Variants in NALF1 observed in about 807,000 individuals in gnomAD.
NALF1 encodes the protein NALCN channel auxiliary factor 1.
Under a neutral mutation model 48.4 loss-of-function variants are expected in NALF1, and 3 were observed. That is an observed-to-expected ratio of 0.06 (90% CI 0.03 to 0.16). The LOEUF is 0.16. Ranked by LOEUF, NALF1 falls within the 10% of genes least tolerant of loss-of-function variation. The probability of loss-of-function intolerance (pLI) is 1.00; values close to 1 mark genes in which losing one functional copy is unlikely to be tolerated. For synonymous variants in NALF1, 262 were observed against 245.7 expected (o/e 1.07, Z -0.62); for missense variants, 526 against 571.5 (o/e 0.92, Z 0.81).
intron 1 of NALF1, among the ~76,000 whole-genome samples, chr13:107,420,495 T>C (rs1239779679): frequency 6.6e-6 from 1 of 152,154 alleles, no homozygotes; most frequent in Non-Finnish European, 1.5e-5. Context: ...ATTAATTCTG[T>C]TAAAACTCAA....
At chr13:107,287,706 C>CTTTTTTTTTTTTTTTTTTT (rs59607599) in intron 1 of NALF1, among the ~76,000 whole-genome samples, 1 of 127,906 alleles carries the variant, frequency 7.8e-6, no homozygotes, top group African/African-American at 2.8e-5. Flanking sequence ...TCTTTTCTTT[C>CTTTTTTTTTTTTTTTTTTT]TTTTTTTTTT....
At chr13:107,428,288 G>C (rs181795583) in intron 1 of NALF1, among the ~76,000 whole-genome samples, 1 of 152,148 alleles carries the variant, frequency 6.6e-6, no homozygotes, top group Non-Finnish European at 1.5e-5. Flanking sequence ...ATTTAGAAAC[G>C]ATAAGCCTCA....
In NALF1 at chr13:107,376,111, T is replaced by C. The variant is rs564126506; in HGVS notation, c.916-165356A>G. On this transcript the variant is annotated intron_variant, in intron 1 of 2. Coordinates refer to ENST00000375915, the MANE Select transcript of NALF1 (RefSeq NM_001080396.3). The stretch of plus-strand genomic sequence containing the variant: ...ATCATTTGGACAATCAAGCAGCCCT[T>C]GGAGAGGCCCAGATGGGAAGGAAAT... Among the ~76,000 whole-genome samples the C allele has an allele frequency of 2.0e-5, 3 of 152,090 alleles. No homozygotes were observed. The East Asian group carries it at 5.8e-4, about 29-fold the overall frequency.
At chr13:107,249,732 T>A (rs1048730019) in intron 1 of NALF1, among the ~76,000 whole-genome samples, 4 of 152,168 alleles carry the variant, frequency 2.6e-5, no homozygotes, top group Non-Finnish European at 5.9e-5. Context: ...ATAAAACACA[T>A]CATTAGTAAA....
intron 1 of NALF1, among the ~76,000 whole-genome samples, chr13:107,728,502 G>A (rs1008695845): frequency 4.0e-5 from 6 of 151,724 alleles, no homozygotes. Context: ...TGGACACAGG[G>A]AGGGGAACAC....
chr13:107,503,037 G>C (rs1875570913), intron 1 of NALF1, among the ~76,000 whole-genome samples: 2 of 152,106 alleles, frequency 1.3e-5, no homozygotes, highest in South Asian at 2.1e-4. Flanking sequence ...TCTACCAGCA[G>C]ACTGGTTATG....
At chr13:107,486,101 A>C (rs1885325239) in intron 1 of NALF1, among the ~76,000 whole-genome samples, 1 of 152,192 alleles carries the variant, frequency 6.6e-6, no homozygotes. Flanking sequence ...AAATTTTTAC[A>C]ATCCATTTTA....
chr13:107,752,939 T>C (rs1339603075), intron 1 of NALF1, among the ~76,000 whole-genome samples: 1 of 152,228 alleles, frequency 6.6e-6, no homozygotes, highest in East Asian at 1.9e-4. Context: ...CCCACATTAG[T>C]ACCATGCGAA....
intron 1 of NALF1, among the ~76,000 whole-genome samples, chr13:107,530,639 A>C (rs1411076292): frequency 6.6e-6 from 1 of 152,112 alleles, no homozygotes; most frequent in Non-Finnish European, 1.5e-5. Context: ...CTATCTGTTG[A>C]GGCAGCCCAG....
chr13:107,613,692 C>A (rs1333290642), intron 1 of NALF1, among the ~76,000 whole-genome samples: 1 of 152,188 alleles, frequency 6.6e-6, no homozygotes, highest in African/African-American at 2.4e-5. Context: ...AATCCAGTTA[C>A]TGCATCAAGT....
intron 1 of NALF1, among the ~76,000 whole-genome samples, chr13:107,861,379 C>T (rs1374044346): frequency 6.6e-6 from 1 of 151,804 alleles, no homozygotes; most frequent in Non-Finnish European, 1.5e-5. Flanking sequence ...ATGTGTACTC[C>T]ACACTTCTGA....
chr13:107,553,984 C>T (rs1877376450), intron 1 of NALF1, among the ~76,000 whole-genome samples: 1 of 152,234 alleles, frequency 6.6e-6, no homozygotes, highest in Non-Finnish European at 1.5e-5. Context: ...CAGATTCTCA[C>T]TGTCCCCGCT....
At position 107,689,113 on chromosome 13, in the gene NALF1, T is replaced by A. The variant is rs146222077; in HGVS notation, c.915+176569A>T. On this transcript the variant is annotated intron_variant, in intron 1 of 2. Coordinates refer to ENST00000375915, the MANE Select transcript of NALF1 (RefSeq NM_001080396.3). ...GGAGATATTTTTTGTATTCCCCTTGTCAACAACCAGGGAGAAGTCACCCTG... is the reference window on the plus strand; with the variant it reads ...GGAGATATTTTTTGTATTCCCCTTGACAACAACCAGGGAGAAGTCACCCTG... 5.6e-3 allele frequency among the ~76,000 whole-genome samples: 849 copies of A among 152,292 alleles called. 10 individuals carry two copies. The highest frequency in any genetic ancestry group is 0.019 in the African/African-American group (792 of 41,562).
At chr13:107,529,310 G>T (rs1184113537) in intron 1 of NALF1, among the ~76,000 whole-genome samples, 2 of 152,090 alleles carry the variant, frequency 1.3e-5, no homozygotes, top group Admixed American at 1.3e-4. Context: ...TTAACAAGTT[G>T]TATGACTTTC....
rs184370347 is a variant in NALF1, at chr13:107,190,942, G to C, written c.1087+19642C>G. On this transcript the variant is annotated intron_variant, in intron 2 of 2. Transcript: ENST00000375915. ...GAGGATACTATTCATTAGAATTGCA[G>C]CATTCCATTGAAAAGAAAGCTGTAG... Among the ~76,000 whole-genome samples the C allele has an allele frequency of 5.0e-4, 76 of 152,328 alleles. 1 individual carries two copies. The highest frequency in any genetic ancestry group is 2.1e-4 in the Non-Finnish European group (14 of 68,040).
intron 1 of NALF1, among the ~76,000 whole-genome samples, chr13:107,768,140 T>C (rs554128696): frequency 2.8e-4 from 43 of 152,242 alleles, no homozygotes; most frequent in African/African-American, 1.0e-3. Flanking sequence ...AAAAATGGAA[T>C]CCATGATACT....
At chr13:107,478,856 T>G (rs1311665904) in intron 1 of NALF1, among the ~76,000 whole-genome samples, 1 of 152,114 alleles carries the variant, frequency 6.6e-6, no homozygotes, top group Non-Finnish European at 1.5e-5. Context: ...AGTTTTATTG[T>G]GTTAAAAATA....
chr13:107,551,893 C>A (rs971503142), intron 1 of NALF1, among the ~76,000 whole-genome samples: 4 of 152,106 alleles, frequency 2.6e-5, no homozygotes, highest in African/African-American at 9.7e-5. Context: ...ATTAAATTTT[C>A]TTTCCTAAGA....
intron 1 of NALF1, among the ~76,000 whole-genome samples, chr13:107,783,350 G>A (rs371590788): frequency 1.3e-5 from 2 of 151,766 alleles, no homozygotes; most frequent in South Asian, 4.2e-4. Context: ...CCACCACCCC[G>A]TCTGGGAGGT....
Sources: allele counts gnomAD v4.1 joint callset (sites outside exome capture counted in the v4.1 genomes callset), GRCh38; gene constraint gnomAD v4.1.1; transcripts MANE v1.5; gene names NCBI Gene and HGNC (gene_info 2026-07-23, HGNC 2026-07-21).